Variants in DCDC1 observed in about 807,000 individuals in gnomAD.
The protein encoded by DCDC1 is doublecortin domain-containing protein 1.
In DCDC1, 200 loss-of-function variants were observed where a neutral mutation model predicts 178.3. The observed-to-expected ratio is 1.12, with a 90% CI of 1.00 to 1.26. The LOEUF (loss-of-function observed/expected upper bound fraction) is 1.26. Among genes scored for constraint, DCDC1 ranks in the 50% most tolerant of loss-of-function variants. The probability of loss-of-function intolerance (pLI) is 0.00; values close to 1 mark genes in which losing one functional copy is unlikely to be tolerated. For missense variants in DCDC1, 1,983 were observed against 1,749.2 expected (o/e 1.13, Z -2.38); for synonymous variants, 690 against 604.8 (o/e 1.14, Z -2.07).
intron 9 of DCDC1, among the ~76,000 whole-genome samples, chr11:31,228,191 CA>C (rs1975263086): frequency 1.3e-5 from 2 of 151,874 alleles, no homozygotes; most frequent in African/African-American, 4.8e-5. Flanking sequence ...AAGTAAATCT[CA>C]AAAATTTTCA....
rs780407343 is a variant in DCDC1, at chr11:31,297,742, A to AG, written c.755-6891dup. ...CAAAAATTTTCAACTCCTAGGGCTG[A>AG]GGCTATCTGGTACCTTTATAAGAAT... On this transcript the variant is annotated intron_variant, in intron 6 of 38. Transcript: ENST00000684477. Among the ~76,000 whole-genome samples, 24 of 152,304 alleles carry AG rather than the reference A, an allele frequency of 1.6e-4. No homozygotes were observed. In the South Asian group the frequency reaches 1.7e-3, roughly 11 times the overall value.
chr11:31,022,804 A>T (rs189531330), intron 20 of DCDC1, among the ~76,000 whole-genome samples: 1 of 151,678 alleles, frequency 6.6e-6, no homozygotes, highest in Non-Finnish European at 1.5e-5. Flanking sequence ...CCTGCCTCCA[A>T]CTAGATTATA....
intron 20 of DCDC1, among the ~76,000 whole-genome samples, chr11:31,001,036 A>G (rs1170939343): frequency 6.6e-6 from 1 of 152,110 alleles, no homozygotes; most frequent in Non-Finnish European, 1.5e-5. Flanking sequence ...GTCAATTATT[A>G]CCATAACAGC....
At chr11:31,086,102 T>C (rs1957458177) in intron 17 of DCDC1, among the ~76,000 whole-genome samples, 1 of 152,178 alleles carries the variant, frequency 6.6e-6, no homozygotes, top group South Asian at 2.1e-4. Flanking sequence ...TTTCTTTGCA[T>C]AAATTTCTAG....
At chr11:30,922,312 G>C (rs1946303278) in intron 24 of DCDC1, among the ~76,000 whole-genome samples, 191 bp downstream of exon 24, 1 of 152,166 alleles carries the variant, frequency 6.6e-6, no homozygotes, top group South Asian at 2.1e-4. Context: ...TGTTCTCTTT[G>C]CACATTCAAA....
chr11:30,965,026 A>G (rs373521157), intron 20 of DCDC1, among the ~76,000 whole-genome samples: 1 of 152,304 alleles, frequency 6.6e-6, no homozygotes, highest in African/African-American at 2.4e-5. Flanking sequence ...CCAAACAGAC[A>G]TGTGGCTTGG....
intron 15 of DCDC1, among the ~76,000 whole-genome samples, chr11:31,098,882 C>A (rs939911829): frequency 2.0e-5 from 3 of 152,114 alleles, no homozygotes; most frequent in Admixed American, 1.3e-4. Flanking sequence ...CAAATTTTTG[C>A]TTTCTTACAG....
rs192991839 is a variant in DCDC1 at position 31,223,632 on chromosome 11, G to A, written c.1221+17818C>T. On this transcript the variant is annotated intron_variant, in intron 9 of 38. Coordinates refer to ENST00000684477, the MANE Select transcript of DCDC1 (RefSeq NM_001387274.1). ...GTCAACAAGTAATAAGTAGACTGTA[G>A]TATGTTCATACAATAAAATGAATAA... 1.1e-4 allele frequency among the ~76,000 whole-genome samples: 17 copies of A among 152,250 alleles called. No homozygotes were observed. In the East Asian group the frequency reaches 3.3e-3, roughly 29 times the overall value.
chr11:31,034,016 C>T (rs539045190), intron 20 of DCDC1, among the ~76,000 whole-genome samples: 1 of 151,776 alleles, frequency 6.6e-6, no homozygotes, highest in South Asian at 2.1e-4. Context: ...TGGCAGTGCA[C>T]ACCTGTAATC....
rs142223293 is a variant in DCDC1, at chr11:31,001,660, A to C, written c.2592-49092T>G. 3.9e-3 allele frequency among the ~76,000 whole-genome samples: 595 copies of C among 152,346 alleles called. 7 individuals are homozygous for C. Among genetic ancestry groups the C allele is most frequent in the African/African-American group, 0.014 (571 of 41,582 alleles). On this transcript the variant is annotated intron_variant, in intron 20 of 38. Transcript: ENST00000684477. ...ACAGACAAACCACTCTGTGTTCCCA[A>C]GCAAAGACAGAGGAATATCAAGCAG...
intron 9 of DCDC1, among the ~76,000 whole-genome samples, chr11:31,154,310 A>G (rs1476633982): frequency 6.6e-6 from 1 of 152,132 alleles, no homozygotes; most frequent in Non-Finnish European, 1.5e-5. Flanking sequence ...ACTAATACAA[A>G]TGCTCTCCCT....
At chr11:30,929,137 A>G (rs902953061) in intron 22 of DCDC1, among the ~76,000 whole-genome samples, 1 of 152,132 alleles carries the variant, frequency 6.6e-6, no homozygotes, top group African/African-American at 2.4e-5. Flanking sequence ...TTCGTTCAGT[A>G]GTCACTAATT....
intron 20 of DCDC1, among the ~76,000 whole-genome samples, chr11:31,049,101 T>C (rs1275696577): frequency 1.3e-5 from 2 of 152,212 alleles, no homozygotes; most frequent in African/African-American, 4.8e-5. Flanking sequence ...ATTCCAGTTT[T>C]AAAACAATAA....
chr11:31,228,276 G>A (rs1975276053), intron 9 of DCDC1, among the ~76,000 whole-genome samples: 1 of 151,932 alleles, frequency 6.6e-6, no homozygotes, highest in Non-Finnish European at 1.5e-5. Flanking sequence ...AAGATATACA[G>A]AAACCCAAAA....
intron 20 of DCDC1, among the ~76,000 whole-genome samples, chr11:31,060,477 T>C (rs1428296862): frequency 6.6e-6 from 1 of 152,104 alleles, no homozygotes; most frequent in African/African-American, 2.4e-5. Flanking sequence ...TACAATAATT[T>C]TATGTGCAAG....
chr11:30,916,315 C>G (rs560326790), intron 26 of DCDC1, among the ~76,000 whole-genome samples: 17 of 152,146 alleles, frequency 1.1e-4, no homozygotes, highest in Non-Finnish European at 2.4e-4. Flanking sequence ...CTATTAAGCC[C>G]CTACTACGTG....
intron 20 of DCDC1, among the ~76,000 whole-genome samples, chr11:31,006,056 C>T (rs546932772): frequency 6.6e-6 from 1 of 151,836 alleles, no homozygotes; most frequent in Non-Finnish European, 1.5e-5. Flanking sequence ...CCATTTCAAC[C>T]CTACATCTAC....
At chr11:31,354,241 G>A (rs1328173116) in intron 1 of DCDC1, among the ~76,000 whole-genome samples, 6 of 152,092 alleles carry the variant, frequency 3.9e-5, no homozygotes, top group Admixed American at 1.3e-4. Flanking sequence ...AGCCGAGATC[G>A]CACCACTGCA....
rs373374402 is a variant in DCDC1 at position 31,009,118 on chromosome 11, GT to G, written c.2591+55350del. On this transcript the variant is annotated intron_variant, in intron 20 of 38. Transcript: ENST00000684477. ...AGAATATATAACAAGACTTTAGTTTGTTTCAGGTGACATTATTTTCTTCAAA... is the reference window on the plus strand; with the variant it reads ...AGAATATATAACAAGACTTTAGTTTGTTCAGGTGACATTATTTTCTTCAAA... Among the ~76,000 whole-genome samples, 437 of 152,240 alleles carry G rather than the reference GT, an allele frequency of 2.9e-3. 6 individuals carry two copies. Among genetic ancestry groups the G allele is most frequent in the African/African-American group, 9.9e-3 (410 of 41,566 alleles).
Sources: gnomAD v4.1 joint callset for allele counts (sites outside exome capture counted in the v4.1 genomes callset) on GRCh38, gnomAD v4.1.1 for gene constraint, MANE v1.5 for transcripts, NCBI Gene and HGNC (gene_info 2026-07-23, HGNC 2026-07-21) for gene names.